ANK3: variants seen among roughly 807,000 people sequenced by gnomAD.
ANK3 encodes ankyrin 3.
Under a neutral mutation model 370.9 loss-of-function variants are expected in ANK3, and 57 were observed. The observed-to-expected ratio is 0.15, with a 90% CI of 0.12 to 0.19. The LOEUF (loss-of-function observed/expected upper bound fraction) is 0.19, where lower values mean the gene tolerates loss of function less well. Among genes scored for constraint, ANK3 ranks in the 10% least tolerant of loss-of-function variants. ANK3 has a pLI of 1.00. For missense variants in ANK3, 4,439 were observed against 5,302.1 expected (o/e 0.84, Z 5.06); for synonymous variants, 1,929 against 1,946.3 (o/e 0.99, Z 0.23).
Position 60,076,340 on chromosome 10 carries a change from G to T in ANK3, c.4541C>A (p.Pro1514His). 6.2e-7 allele frequency: 1 copy of T among 1,614,090 alleles called. No homozygotes were observed. Among genetic ancestry groups the T allele is most frequent in the South Asian group, 1.1e-5 (1 of 91,084 alleles). Residue 1514 changes from proline to histidine, a missense_variant, in exon 37 of 44, where the codon CCT (proline) becomes CAT (histidine). Physicochemically the swap from Pro to His is moderately conservative, Grantham distance 77. This residue lies in a region of ANK3 where 679 missense variants were observed against 791.0 expected (regional missense o/e 0.86). Transcript: ENST00000280772. ...QSWTTAPITVPGPAKSGFTSL... is the reference protein window; with the variant it reads ...QSWTTAPITVHGPAKSGFTSL... ...AGTGAAGCCTGACTTGGCTGGCCCA[G>T]GCACTGTAATCGGAGCTGTTGTCCA...
chr10:60,393,244 A>G (rs1323486521), upstream of ANK3, among the ~76,000 whole-genome samples: 1 of 152,198 alleles, frequency 6.6e-6, no homozygotes, highest in Non-Finnish European at 1.5e-5. Flanking sequence ...GCCCTCCTCC[A>G]GAAGGCAGCT....
intron 2 of ANK3, among the ~76,000 whole-genome samples, chr10:60,521,642 T>C (rs1342000549): frequency 2.6e-5 from 4 of 152,148 alleles, no homozygotes; most frequent in Non-Finnish European, 5.9e-5. Context: ...TGCTGTGGAA[T>C]TAAGCACCCT....
At chr10:60,394,448 G>A (rs531441769), upstream of ANK3, among the ~76,000 whole-genome samples, 1 of 152,156 alleles carries the variant, frequency 6.6e-6, no homozygotes, top group East Asian at 1.9e-4. Context: ...ATCTGTCTTA[G>A]CACTTAGTCT....
At chr10:60,396,543 C>A (rs2063244526) in intron 2 of ANK3, among the ~76,000 whole-genome samples, 1 of 152,044 alleles carries the variant, frequency 6.6e-6, no homozygotes, top group Admixed American at 6.5e-5. Flanking sequence ...TAACTTATAG[C>A]TTAATAACAA....
At chr10:60,505,818 T>A (rs1315622747) in intron 2 of ANK3, among the ~76,000 whole-genome samples, 4 of 152,188 alleles carry the variant, frequency 2.6e-5, no homozygotes, top group Non-Finnish European at 4.4e-5. Flanking sequence ...TTTTTGATTT[T>A]ACAAAACCTC....
chr10:60,451,536 T>C (rs1179938919), intron 2 of ANK3, among the ~76,000 whole-genome samples: 1 of 152,178 alleles, frequency 6.6e-6, no homozygotes. Flanking sequence ...GAAGCTACAT[T>C]AGGCTGCTTC....
At chr10:60,235,376 T>G (rs1592184797) in intron 7 of ANK3, among the ~76,000 whole-genome samples, 1 of 152,314 alleles carries the variant, frequency 6.6e-6, no homozygotes, top group East Asian at 1.9e-4. Flanking sequence ...TTGACAAATA[T>G]TTGAAGAATA....
chr10:60,072,266 T>A lies in ANK3; in HGVS notation c.8615A>T (p.His2872Leu). 6.2e-7 allele frequency: 1 copy of A among 1,614,112 alleles called. No individual in the cohort carries two copies. Among genetic ancestry groups the A allele is most frequent in the Non-Finnish European group, 8.5e-7 (1 of 1,180,010 alleles). ...CTCTCTTACATCATGAACAAGTACA[T>A]GCGAAAGTTTTTCTTTCTGAGACTT... Reference protein sequence around the residue: ...NNKSQKEKLSHVLVHDVRENH... With the variant: ...NNKSQKEKLSLVLVHDVRENH... The change falls in exon 37 of 44, where the codon CAT becomes CTT. Residue 2872 changes from histidine to leucine, a missense_variant. Physicochemically the swap from His to Leu is moderately conservative, Grantham distance 99. Transcript: ENST00000280772.
chr10:60,263,382 G>A (rs1426476550), intron 6 of ANK3, among the ~76,000 whole-genome samples: 2 of 152,148 alleles, frequency 1.3e-5, no homozygotes, highest in African/African-American at 2.4e-5. Context: ...CAAGACGATG[G>A]GAATTTTTGG....
intron 28 of ANK3, among the ~76,000 whole-genome samples, chr10:60,094,261 C>A (rs2089547087): frequency 6.8e-6 from 1 of 147,554 alleles, no homozygotes; most frequent in Admixed American, 6.9e-5. Context: ...AATCTCTGCT[C>A]ACTACAATTT....
At chr10:60,187,447 G>A (rs542658436) in intron 16 of ANK3, among the ~76,000 whole-genome samples, 2 of 152,208 alleles carry the variant, frequency 1.3e-5, no homozygotes, top group South Asian at 2.1e-4. Context: ...GAGTCACTGC[G>A]CCCGGCTTAA....
intron 23 of ANK3, among the ~76,000 whole-genome samples, chr10:60,155,964 T>C (rs1055546536): frequency 1.6e-4 from 24 of 152,358 alleles, no homozygotes; most frequent in Middle Eastern, 3.4e-3. Flanking sequence ...ACTGCCTTCC[T>C]GGCTCCTCAG....
chr10:60,253,393 C>G (rs1019034594), intron 7 of ANK3, among the ~76,000 whole-genome samples: 2 of 152,168 alleles, frequency 1.3e-5, no homozygotes, highest in African/African-American at 4.8e-5. Flanking sequence ...AGAAATGGCA[C>G]CTCTGTAGGT....
chr10:60,026,477 C>CAGAG lies in ANK3; in HGVS notation c.*3365_*3368dup, dbSNP rs1015185163. On this transcript the variant is annotated 3_prime_UTR_variant, in exon 44 of 44. Coordinates refer to ENST00000280772, the MANE Select transcript of ANK3 (RefSeq NM_020987.5). ...TTAGTTTTTGGATCACTGGCTTCTT[C>CAGAG]AGAGAGACTCAGAAGATGCCTTATT... The CAGAG allele has an allele frequency of 2.6e-5, 4 of 152,198 alleles. No individual in the cohort carries two copies. The highest frequency in any genetic ancestry group is 9.6e-5 in the African/African-American group (4 of 41,464). The allele number at this position is 152,198 out of a possible 1,614,324, so 9.4% of individuals were successfully genotyped here. A position where few individuals can be genotyped will look rare whatever the true frequency, so the allele number is the denominator to read the frequency against.
At chr10:60,682,514 A>G (rs2079210035) in intron 1 of ANK3, among the ~76,000 whole-genome samples, 1 of 151,726 alleles carries the variant, frequency 6.6e-6, no homozygotes, top group South Asian at 2.1e-4. Flanking sequence ...TGGGTGTGTT[A>G]GGCCGCAGGC....
At chr10:60,700,144 G>C (rs1418120719) in intron 1 of ANK3, among the ~76,000 whole-genome samples, 1 of 152,042 alleles carries the variant, frequency 6.6e-6, no homozygotes, top group Non-Finnish European at 1.5e-5. Flanking sequence ...CTAGGGTAGA[G>C]AGCATTTTGC....
chr10:60,290,006 G>A (rs1421306919), intron 1 of ANK3, among the ~76,000 whole-genome samples: 1 of 152,106 alleles, frequency 6.6e-6, no homozygotes, highest in Admixed American at 6.6e-5. Flanking sequence ...GACTAGAGCT[G>A]AATCACTGGG....
chr10:60,497,299 A>G (rs1333983755), intron 2 of ANK3, among the ~76,000 whole-genome samples: 1 of 152,168 alleles, frequency 6.6e-6, no homozygotes, highest in African/African-American at 2.4e-5. Flanking sequence ...AAAAAAAGAA[A>G]AAAATGGCCC....
chr10:60,374,973 G>A (rs1254598975), intron 1 of ANK3, among the ~76,000 whole-genome samples: 2 of 152,074 alleles, frequency 1.3e-5, no homozygotes, highest in Non-Finnish European at 2.9e-5. Context: ...CTTCATTTGG[G>A]AAGAGGAAAA....
Sources: gnomAD v4.1 joint callset for allele counts (sites outside exome capture counted in the v4.1 genomes callset) on GRCh38, gnomAD v4.1.1 for gene constraint, gnomAD v4.1.1 regional missense constraint, MANE v1.5 for transcripts, NCBI Gene and HGNC (gene_info 2026-07-23, HGNC 2026-07-21) for gene names.